Variants in MAST4 observed in about 807,000 individuals in gnomAD.
The protein encoded by MAST4 is microtubule-associated serine/threonine-protein kinase 4.
A neutral mutation model predicts 162.7 loss-of-function variants in MAST4; 89 were observed. The observed-to-expected ratio is 0.55, with a 90% confidence interval of 0.46 to 0.65. The LOEUF (loss-of-function observed/expected upper bound fraction) is 0.65. MAST4 is among the 30% of genes least tolerant of loss of function. The probability of loss-of-function intolerance (pLI) is 0.00; values close to 1 mark genes in which losing one functional copy is unlikely to be tolerated. For synonymous variants in MAST4, 1,479 were observed against 1,361.1 expected, an observed-to-expected ratio of 1.09 and a Z score of -1.91; for missense variants, 3,153 against 3,374.0, an observed-to-expected ratio of 0.93 and a Z score of 1.62.
rs1561621872 is a variant in MAST4, at chr5:67,078,910, AAATATAT to A, written c.764-11250_764-11244del. Reference sequence around the variant, plus strand: ...TTTATATATTTATATATTTTTATATAAATATATATATATATATATATATATATATATA... The same window carrying A: ...TTTATATATTTATATATTTTTATATAATATATATATATATATATATATATA... On this transcript the variant is annotated intron_variant, in intron 5 of 28. Transcript: ENST00000403625. Among the ~76,000 whole-genome samples, 17 of 22,124 alleles carry A rather than the reference AAATATAT, an allele frequency of 7.7e-4. 2 individuals carry two copies. The highest frequency in any genetic ancestry group is 3.4e-3 in the African/African-American group (17 of 4,978). The allele number at this position is 22,124 out of a possible 152,430, so 14.5% of individuals were successfully genotyped here.
At chr5:66,905,848 G>T (rs1763321904) in intron 4 of MAST4, among the ~76,000 whole-genome samples, 1 of 152,178 alleles carries the variant, frequency 6.6e-6, no homozygotes, top group Admixed American at 6.5e-5. Context: ...AGAAAGGAGT[G>T]TCTGGGTTAA....
At chr5:67,112,063 T>C (rs1442267949) in intron 11 of MAST4, among the ~76,000 whole-genome samples, 1 of 151,998 alleles carries the variant, frequency 6.6e-6, no homozygotes, top group East Asian at 1.9e-4. Context: ...TTTTTTTCTT[T>C]CTATATGGCC....
chr5:66,801,566 C>T (rs760381113), intron 3 of MAST4, among the ~76,000 whole-genome samples: 2 of 152,160 alleles, frequency 1.3e-5, no homozygotes, highest in African/African-American at 2.4e-5. Context: ...TTTTTAGACC[C>T]GTGGAATAAA....
At chr5:66,608,355 C>CT (rs72272071) in intron 1 of MAST4, among the ~76,000 whole-genome samples, 963 of 44,430 alleles carry the variant, frequency 0.022, 186 homozygotes, top group Non-Finnish European at 0.031. Context: ...TGTGCCTGGC[C>CT]TTTTTTTTTT....
At chr5:67,097,148 T>A (rs1261225532) in intron 7 of MAST4, among the ~76,000 whole-genome samples, 7 of 152,180 alleles carry the variant, frequency 4.6e-5, no homozygotes, top group Non-Finnish European at 8.8e-5. Flanking sequence ...AGTTCAGGAT[T>A]TGTATTCTTT....
chr5:66,888,514 C>G (rs1007832392), intron 3 of MAST4, among the ~76,000 whole-genome samples: 2 of 152,202 alleles, frequency 1.3e-5, no homozygotes, highest in African/African-American at 4.8e-5. Flanking sequence ...TTCAAATAGT[C>G]TCATCCAATT....
At chr5:66,907,306 C>T (rs1339979258) in intron 4 of MAST4, among the ~76,000 whole-genome samples, 1 of 149,804 alleles carries the variant, frequency 6.7e-6, no homozygotes, top group Non-Finnish European at 1.5e-5. Flanking sequence ...GTGCAAACTT[C>T]CCGAGGCTTT....
At chr5:66,941,795 A>G (rs1418982450) in intron 4 of MAST4, among the ~76,000 whole-genome samples, 1 of 152,052 alleles carries the variant, frequency 6.6e-6, no homozygotes, top group East Asian at 1.9e-4. Context: ...TGTCTCTTCC[A>G]TTTTCACTTG....
intron 5 of MAST4, among the ~76,000 whole-genome samples, chr5:67,077,991 A>G (rs1216727576): frequency 1.3e-5 from 2 of 151,978 alleles, no homozygotes; most frequent in African/African-American, 4.8e-5. Context: ...CCCAGCTACT[A>G]GGGAGGCTGA....
chr5:66,750,576 C>T (rs530874771), intron 1 of MAST4, among the ~76,000 whole-genome samples: 17 of 152,318 alleles, frequency 1.1e-4, no homozygotes, highest in South Asian at 4.1e-4. Flanking sequence ...CCGAATACTG[C>T]GCTTTTCCGA....
chr5:66,944,972 C>A (rs1266481545), intron 4 of MAST4, among the ~76,000 whole-genome samples: 2 of 152,140 alleles, frequency 1.3e-5, no homozygotes, highest in Non-Finnish European at 2.9e-5. Flanking sequence ...GGAGTCATAT[C>A]CCATCCTTTC....
intron 1 of MAST4, among the ~76,000 whole-genome samples, chr5:66,597,543 G>A (rs898060200): frequency 6.6e-6 from 1 of 152,122 alleles, no homozygotes; most frequent in African/African-American, 2.4e-5. Context: ...GGTGGTTTTG[G>A]CGCGTCCCCG....
rs544288010 is a variant in MAST4 at position 66,827,920 on chromosome 5, T to C, written c.642+39126T>C. Among the ~76,000 whole-genome samples the C allele has an allele frequency of 2.0e-5, 3 of 152,284 alleles. No homozygotes were observed. In the East Asian group the frequency reaches 5.8e-4, roughly 29 times the overall value. ...CATGCCAGTAATGAAAACTTAATATTCATCTCTTGGTTGCTTTCAATTGAG... is the reference window on the plus strand; with the variant it reads ...CATGCCAGTAATGAAAACTTAATATCCATCTCTTGGTTGCTTTCAATTGAG... On this transcript the variant is annotated intron_variant, in intron 3 of 28. Coordinates refer to ENST00000403625, the MANE Select transcript of MAST4 (RefSeq NM_001164664.2).
intron 3 of MAST4, among the ~76,000 whole-genome samples, chr5:66,837,895 T>TATATATATATATA (rs70987141): frequency 8.9e-4 from 14 of 15,720 alleles, no homozygotes; most frequent in South Asian, 2.6e-3. Flanking sequence ...TATATATATA[T>TATATATATATATA]TTTTTTTTTT....
At chr5:66,722,016 G>A (rs1751241569) in intron 1 of MAST4, among the ~76,000 whole-genome samples, 1 of 152,038 alleles carries the variant, frequency 6.6e-6, no homozygotes, top group Admixed American at 6.6e-5. Context: ...AAGTACTGCT[G>A]TAGTCTCCTA....
chr5:66,910,066 G>A (rs573420187), intron 4 of MAST4, among the ~76,000 whole-genome samples: 3 of 152,234 alleles, frequency 2.0e-5, no homozygotes, highest in African/African-American at 7.2e-5. Flanking sequence ...ACTAATACAG[G>A]TATGTTTTGT....
At chr5:67,150,091 C>T (rs1258168752) in intron 24 of MAST4, among the ~76,000 whole-genome samples, 3 of 152,174 alleles carry the variant, frequency 2.0e-5, no homozygotes, top group Admixed American at 1.3e-4. Flanking sequence ...TCTAGGTTTT[C>T]CCAACCCTGT....
At chr5:67,121,885 A>G (rs926105780) in intron 14 of MAST4, among the ~76,000 whole-genome samples, 1 of 150,840 alleles carries the variant, frequency 6.6e-6, no homozygotes, top group African/African-American at 2.4e-5. Context: ...TTTTTTTGAG[A>G]CTAGGTCTTG....
intron 1 of MAST4, among the ~76,000 whole-genome samples, chr5:66,637,523 C>G (rs1256944079): frequency 6.6e-6 from 1 of 152,038 alleles, no homozygotes. Context: ...CAGTCTTTCT[C>G]TTACTGATTT....
Sources: gnomAD v4.1 joint callset for allele counts (sites outside exome capture counted in the v4.1 genomes callset) on GRCh38, gnomAD v4.1.1 for gene constraint, MANE v1.5 for transcripts, NCBI Gene and HGNC (gene_info 2026-07-23, HGNC 2026-07-21) for gene names.